Variants in ADAM10 observed in about 807,000 individuals in gnomAD.
ADAM10 encodes ADAM metallopeptidase domain 10.
ADAM10 carries 17 observed loss-of-function variants against 90.1 expected under a neutral mutation model. The ratio of observed to expected loss-of-function variants is 0.19; its 90% confidence interval spans 0.13 to 0.28. The LOEUF (loss-of-function observed/expected upper bound fraction) is 0.28, where lower values mean the gene tolerates loss of function less well. Ranked by LOEUF, ADAM10 falls within the 10% of genes least tolerant of loss-of-function variation. The probability of loss-of-function intolerance (pLI) is 1.00; values close to 1 mark genes in which losing one functional copy is unlikely to be tolerated. For missense variants in ADAM10, 610 were observed against 914.3 expected (o/e 0.67, Z 4.29); for synonymous variants, 310 against 298.6 (o/e 1.04, Z -0.40).
At chr15:58,742,412 T>C (rs1378787275) in intron 1 of ADAM10, among the ~76,000 whole-genome samples, 1 of 152,200 alleles carries the variant, frequency 6.6e-6, no homozygotes, top group Non-Finnish European at 1.5e-5. Flanking sequence ...TGAAAAATCA[T>C]ACACTGAACC....
intron 2 of ADAM10, among the ~76,000 whole-genome samples, chr15:58,703,444 A>G (rs1460122981): frequency 6.6e-6 from 1 of 152,168 alleles, no homozygotes; most frequent in African/African-American, 2.4e-5. Context: ...AACAACCCAA[A>G]TGTTCACAAA....
intron 2 of ADAM10, among the ~76,000 whole-genome samples, chr15:58,685,642 T>C (rs1897579470): frequency 6.7e-6 from 1 of 148,990 alleles, no homozygotes; most frequent in Non-Finnish European, 1.5e-5. Context: ...ATACACATTA[T>C]AAGAATGTGC....
chr15:58,601,693 A>T (rs1305059055), intron 14 of ADAM10, among the ~76,000 whole-genome samples: 5 of 152,058 alleles, frequency 3.3e-5, no homozygotes, highest in African/African-American at 1.2e-4. Context: ...TTGTCCCAAT[A>T]CTATCCAGTT....
chr15:58,726,632 A>C (rs1357917814), intron 1 of ADAM10, among the ~76,000 whole-genome samples: 23 of 149,932 alleles, frequency 1.5e-4, no homozygotes, highest in African/African-American at 5.4e-4. Context: ...GAGGGGGACA[A>C]GAACTATGAA....
chr15:58,646,004 G>A (rs747197567), intron 6 of ADAM10, 51 bp downstream of exon 6: 2 of 1,587,514 alleles, frequency 1.3e-6, no homozygotes, highest in East Asian at 4.5e-5. Flanking sequence ...GAAAGAATAG[G>A]CATTATAAAA....
rs187347545 is a variant in ADAM10 at position 58,739,342 on chromosome 15, C to T, written c.55+10138G>A. Among the ~76,000 whole-genome samples the T allele has an allele frequency of 3.4e-3, 469 of 136,192 alleles. 2 individuals carry two copies. The highest frequency in any genetic ancestry group is 5.5e-3 in the Non-Finnish European group (347 of 62,926). 89.3% of individuals were successfully genotyped at this position (136,192 alleles called of 152,430 possible). ...TAACATGGTGAAACCCCGTCTCTAC[C>T]AAAAATACAAAAAAAAAAAAAAAAA... On this transcript the variant is annotated intron_variant, in intron 1 of 15. Coordinates refer to ENST00000260408, the MANE Select transcript of ADAM10 (RefSeq NM_001110.4).
chr15:58,715,311 A>C lies in ADAM10; in HGVS notation c.206+2266T>G, dbSNP rs112646309. Among the ~76,000 whole-genome samples, 543 of 151,954 alleles carry C rather than the reference A, an allele frequency of 3.6e-3. 5 individuals are homozygous for C. The highest frequency in any genetic ancestry group is 0.013 in the African/African-American group (521 of 41,418). ...GTGGCGCACACCTGTAGTCCCAGCT[A>C]CTTGGGAGACTGAGGCAGGAGAATC... On this transcript the variant is annotated intron_variant, in intron 2 of 15. Transcript: ENST00000260408.
rs202127750 is a variant in ADAM10, at chr15:58,749,561, G to A, written c.-27C>T. The stretch of plus-strand genomic sequence containing the variant: ...TTCCGCTGCCGCTGCCGCCGCCGCC[G>A]CCTCCTCACGGGTTAACAGCAGCAC... On this transcript the variant is annotated 5_prime_UTR_variant, in exon 1 of 16. Transcript: ENST00000260408. The A allele has an allele frequency of 2.2e-5, 34 of 1,547,826 alleles. No homozygotes were observed. Among genetic ancestry groups the A allele is most frequent in the Non-Finnish European group, 3.0e-5 (34 of 1,145,152 alleles).
intron 10 of ADAM10, among the ~76,000 whole-genome samples, chr15:58,621,833 A>T (rs1162287920): frequency 2.0e-5 from 3 of 152,222 alleles, no homozygotes; most frequent in Non-Finnish European, 4.4e-5. Context: ...TCAGTTTCTC[A>T]ATCTGTACAG....
chr15:58,670,198 TA>T (rs1183085703), intron 4 of ADAM10, among the ~76,000 whole-genome samples: 4,153 of 143,262 alleles, frequency 0.029, 148 homozygotes, highest in African/African-American at 0.079. Context: ...AATCCTGTAT[TA>T]AAAAAAAAAA....
At chr15:58,643,450 C>A (rs1596021598) in intron 7 of ADAM10, among the ~76,000 whole-genome samples, 1 of 152,082 alleles carries the variant, frequency 6.6e-6, no homozygotes, top group African/African-American at 2.4e-5. Flanking sequence ...TTCCAACTTC[C>A]AATTTTATTT....
intron 9 of ADAM10, among the ~76,000 whole-genome samples, chr15:58,630,219 T>C (rs555642922): frequency 3.2e-4 from 48 of 152,214 alleles, no homozygotes; most frequent in Non-Finnish European, 6.6e-4. Context: ...TTTTTGGTAT[T>C]ATAAATAAAA....
intron 5 of ADAM10, among the ~76,000 whole-genome samples, chr15:58,655,859 G>T (rs1290711595): frequency 1.4e-5 from 2 of 144,764 alleles, no homozygotes; most frequent in Non-Finnish European, 3.0e-5. Flanking sequence ...TGATTCTCCT[G>T]CCTCAGCCTC....
chr15:58,604,133 G>A (rs760242602), intron 14 of ADAM10, among the ~76,000 whole-genome samples: 5 of 152,066 alleles, frequency 3.3e-5, no homozygotes, highest in Admixed American at 6.6e-5. Context: ...AAGCCGGGGC[G>A]GGTGGATCAC....
intron 4 of ADAM10, among the ~76,000 whole-genome samples, chr15:58,675,341 A>AT (rs1267501961): frequency 2.0e-5 from 3 of 152,240 alleles, no homozygotes; most frequent in Non-Finnish European, 4.4e-5. Context: ...GTATTTCTCT[A>AT]TAAGTATAGA....
chr15:58,617,920 C>T (rs1201066620), intron 11 of ADAM10, among the ~76,000 whole-genome samples: 1 of 149,842 alleles, frequency 6.7e-6, no homozygotes, highest in Admixed American at 6.7e-5. Flanking sequence ...AAACACATTT[C>T]ATGTTCATGG....
rs767972115 is a variant in ADAM10 at position 58,682,265 on chromosome 15, A to G, written c.256T>C (p.Phe86Leu). 2 of 1,613,006 alleles carry G rather than the reference A, an allele frequency of 1.2e-6. No homozygotes were observed. The highest frequency in any genetic ancestry group is 1.3e-5 in the African/African-American group (1 of 74,904). The change falls in exon 3 of 16, where the codon TTT becomes CTT. Residue 86 changes from phenylalanine to leucine, a missense_variant. Physicochemically the swap from Phe to Leu is conservative, Grantham distance 22. Coordinates refer to ENST00000260408, the MANE Select transcript of ADAM10 (RefSeq NM_001110.4). ...ACTTTATTTGATGTTTCTACTTTAA[A>G]TTCATCACTGAAAAGGGAAGTGTCC... The part of the protein sequence containing the change: ...KRDTSLFSDE[F>L]KVETSNKVLD...
intron 11 of ADAM10, among the ~76,000 whole-genome samples, chr15:58,612,633 A>G (rs1479192142): frequency 2.6e-5 from 4 of 151,532 alleles, no homozygotes; most frequent in African/African-American, 7.3e-5. Context: ...ACTCACCACC[A>G]CCTCCATCCC....
chr15:58,618,266 T>G (rs1281810799), intron 11 of ADAM10, among the ~76,000 whole-genome samples: 1 of 152,088 alleles, frequency 6.6e-6, no homozygotes, highest in African/African-American at 2.4e-5. Flanking sequence ...GAACATTCAG[T>G]GGGGAAAGGA....
Sources: allele counts gnomAD v4.1 joint callset (sites outside exome capture counted in the v4.1 genomes callset), GRCh38; gene constraint gnomAD v4.1.1; transcripts MANE v1.5; gene names NCBI Gene and HGNC (gene_info 2026-07-23, HGNC 2026-07-21).